Variants in PCNX2 observed in about 807,000 individuals in gnomAD.
The protein encoded by PCNX2 is pecanex-like protein 2.
PCNX2 carries 168 observed loss-of-function variants against 223.8 expected under a neutral mutation model. The ratio of observed to expected loss-of-function variants is 0.75; its 90% CI spans 0.66 to 0.85. The LOEUF (loss-of-function observed/expected upper bound fraction) is 0.85, where lower values mean the gene tolerates loss of function less well. PCNX2 is among the 40% of genes least tolerant of loss of function. PCNX2 has a pLI of 0.00. For synonymous variants in PCNX2, 1,006 were observed against 1,052.6 expected, an observed-to-expected ratio of 0.96 and a Z score of 0.86; for missense variants, 2,507 against 2,675.5, an observed-to-expected ratio of 0.94 and a Z score of 1.39.
intron 25 of PCNX2, among the ~76,000 whole-genome samples, chr1:233,035,533 G>T (rs6424268): frequency 2.0e-5 from 3 of 152,030 alleles, no homozygotes; most frequent in African/African-American, 7.3e-5. Context: ...TGACCAAGGG[G>T]GATGTTAGAG....
intron 19 of PCNX2, among the ~76,000 whole-genome samples, chr1:233,155,972 T>C (rs1156480911): frequency 6.6e-6 from 1 of 152,246 alleles, no homozygotes; most frequent in African/African-American, 2.4e-5. Flanking sequence ...TGGGGGGAAA[T>C]ATGGCAATTT....
chr1:233,252,843 C>T (rs1659538491), intron 5 of PCNX2, 55 bp from the exon 6 acceptor site: 4 of 1,458,472 alleles, frequency 2.7e-6, no homozygotes, highest in Non-Finnish European at 2.7e-6. Flanking sequence ...AATGTGAAAA[C>T]TCTGGGAAAT....
chr1:233,313,497 G>A, the PCNX2 span, among the ~76,000 whole-genome samples: 1 of 151,672 alleles, frequency 6.6e-6, no homozygotes, highest in Non-Finnish European at 1.5e-5. Context: ...CTACAACTTA[G>A]AAACAATAAA....
intron 25 of PCNX2, among the ~76,000 whole-genome samples, chr1:233,040,014 T>C (rs1001993154): frequency 1.2e-4 from 19 of 152,234 alleles, no homozygotes; most frequent in Non-Finnish European, 2.4e-4. Flanking sequence ...CCGTATCACG[T>C]ATCACAAGGA....
At chr1:233,083,881 G>T (rs2273676) in intron 23 of PCNX2, among the ~76,000 whole-genome samples, 13,632 of 152,142 alleles carry the variant, frequency 0.09, 771 homozygotes, top group East Asian at 0.18. Flanking sequence ...TTGATTTGAT[G>T]GCCTTCTGCG....
chr1:233,289,137 G>A lies in PCNX2; in HGVS notation c.153+6189C>T, dbSNP rs1661614325. On this transcript the variant is annotated intron_variant, in intron 1 of 33. Transcript: ENST00000258229. Reference sequence around the variant, plus strand: ...ATATTTTGTACAGCTTTTCCAAGTTGGCTTAGGCAGGATTCTCCTTTAAGC... The same window carrying A: ...ATATTTTGTACAGCTTTTCCAAGTTAGCTTAGGCAGGATTCTCCTTTAAGC... 3.4e-6 allele frequency: 3 copies of A among 871,526 alleles called. 1 individual carries two copies. Among genetic ancestry groups the A allele is most frequent in the South Asian group, 2.6e-5 (2 of 76,474 alleles). 54.0% of individuals were successfully genotyped at this position (871,526 alleles called of 1,614,324 possible).
At chr1:233,169,698 T>G (rs1460301333) in intron 17 of PCNX2, among the ~76,000 whole-genome samples, 1 of 151,514 alleles carries the variant, frequency 6.6e-6, no homozygotes, top group Non-Finnish European at 1.5e-5. Context: ...ATAATAAGTA[T>G]GTACAGTTTA....
chr1:233,162,102 A>G (rs1351771587), intron 17 of PCNX2, among the ~76,000 whole-genome samples: 1 of 151,972 alleles, frequency 6.6e-6, no homozygotes, highest in Non-Finnish European at 1.5e-5. Context: ...ACTTTTTCAT[A>G]CAAAACTGTA....
chr1:233,322,883 C>T, the PCNX2 span, among the ~76,000 whole-genome samples: 3 of 152,090 alleles, frequency 2.0e-5, no homozygotes, highest in South Asian at 2.1e-4. Flanking sequence ...TACCCTTCTT[C>T]GTCTTTCTGA....
intron 21 of PCNX2, among the ~76,000 whole-genome samples, chr1:233,120,339 A>G (rs1248956672): frequency 6.6e-6 from 1 of 152,140 alleles, no homozygotes; most frequent in African/African-American, 2.4e-5. Flanking sequence ...CTAAGCACCT[A>G]AACAATATTC....
intron 22 of PCNX2, among the ~76,000 whole-genome samples, chr1:233,092,536 G>A (rs1453551547): frequency 6.6e-6 from 1 of 152,172 alleles, no homozygotes; most frequent in Non-Finnish European, 1.5e-5. Context: ...AGGTTAGAGG[G>A]AGGGTGGCAG....
At chr1:233,184,499 C>G (rs1444259422) in intron 15 of PCNX2, among the ~76,000 whole-genome samples, 2 of 152,052 alleles carry the variant, frequency 1.3e-5, no homozygotes, top group Non-Finnish European at 2.9e-5. Flanking sequence ...TAAGTCCAGG[C>G]TCCAAATATA....
chr1:233,223,648 T>C (rs1438511607), intron 10 of PCNX2, among the ~76,000 whole-genome samples: 1 of 152,082 alleles, frequency 6.6e-6, no homozygotes, highest in Non-Finnish European at 1.5e-5. Flanking sequence ...GTGTGTGATG[T>C]TTGCCTCTCT....
intron 21 of PCNX2, among the ~76,000 whole-genome samples, chr1:233,125,046 A>G (rs931017402): frequency 5.3e-5 from 8 of 152,260 alleles, no homozygotes; most frequent in African/African-American, 1.9e-4. Context: ...AAGAAAGCAC[A>G]GAGGATACAA....
intron 1 of PCNX2, among the ~76,000 whole-genome samples, chr1:233,276,883 T>C (rs1300747722): frequency 1.3e-5 from 2 of 152,252 alleles, no homozygotes; most frequent in African/African-American, 4.8e-5. Flanking sequence ...CAAACATTTG[T>C]CTTCAAGTAG....
At chr1:233,309,877 CAAAATT>C in the PCNX2 span, among the ~76,000 whole-genome samples, 1 of 151,354 alleles carries the variant, frequency 6.6e-6, no homozygotes, top group Non-Finnish European at 1.5e-5. Flanking sequence ...GACTCCATCT[CAAAATT>C]AAAAAAGAAA....
At chr1:233,140,992 G>A (rs750655218) in intron 19 of PCNX2, among the ~76,000 whole-genome samples, 8 of 152,034 alleles carry the variant, frequency 5.3e-5, no homozygotes, top group Non-Finnish European at 1.0e-4. Context: ...CAAGGTGCCA[G>A]GCAACTCCAT....
At chr1:233,088,132 A>T (rs773918275) in intron 23 of PCNX2, among the ~76,000 whole-genome samples, 16 of 151,902 alleles carry the variant, frequency 1.1e-4, no homozygotes, top group Non-Finnish European at 1.8e-4. Context: ...AAAACACCTA[A>T]CTCCTTTTGC....
Position 233,095,772 on chromosome 1 carries a change from T to C in PCNX2, c.3929A>G (p.Gln1310Arg). 1 of 1,607,748 alleles carries C rather than the reference T, an allele frequency of 6.2e-7. No individual in the cohort carries two copies. The change falls in exon 22 of 34, where the codon CAG (glutamine) becomes CGG (arginine). Residue 1310 changes from glutamine to arginine, a missense_variant. Coordinates refer to ENST00000258229, the MANE Select transcript of PCNX2 (RefSeq NM_014801.4). ...AAGGATACGAGGAATGGCAAAGAGC[T>C]GAGCAAACACGTGAAACGAAGAACC... Reference protein sequence around the residue: ...AWGSSFHVFAQLFAIPHSAML... With the variant: ...AWGSSFHVFARLFAIPHSAML...
Sources: gnomAD v4.1 joint callset for allele counts (sites outside exome capture counted in the v4.1 genomes callset) on GRCh38, gnomAD v4.1.1 for gene constraint, MANE v1.5 for transcripts, NCBI Gene and HGNC (gene_info 2026-07-23, HGNC 2026-07-21) for gene names.